ARK2N: variants seen among roughly 807,000 people sequenced by gnomAD.
ARK2N encodes the protein arkadia (RNF111) N-terminal like PKA signaling regulator 2N, also known as protein ARK2N.
the ARK2N span, chr18:46,264,771 T>A: frequency 6.6e-6 from 1 of 150,386 alleles, no homozygotes; most frequent in African/African-American, 2.4e-5. Context: ...AGTTTATTCC[T>A]TTACGCTTCT....
the ARK2N span, among the ~76,000 whole-genome samples, chr18:46,250,633 T>G: frequency 6.6e-6 from 1 of 152,002 alleles, no homozygotes; most frequent in Admixed American, 6.6e-5. Flanking sequence ...TGCTATCAGT[T>G]TCATTTCTAT....
chr18:46,244,231 A>G, the ARK2N span, among the ~76,000 whole-genome samples: 1 of 152,126 alleles, frequency 6.6e-6, no homozygotes, highest in Non-Finnish European at 1.5e-5. Context: ...CACTGCAAAC[A>G]AATGTAGTTG....
chr18:46,217,617 C>G, the ARK2N span: 3 of 152,172 alleles, frequency 2.0e-5, no homozygotes, highest in African/African-American at 7.2e-5. Flanking sequence ...CAAGAGAAAT[C>G]ATATTGGTTA....
At chr18:46,230,015 TC>T in the ARK2N span, among the ~76,000 whole-genome samples, 1 of 152,144 alleles carries the variant, frequency 6.6e-6, no homozygotes, top group Non-Finnish European at 1.5e-5. Context: ...AACCTCCACT[TC>T]CTGGGTTCAA....
At chr18:46,245,573 TAAAAA>T in the ARK2N span, among the ~76,000 whole-genome samples, 2 of 117,420 alleles carry the variant, frequency 1.7e-5, no homozygotes, top group Non-Finnish European at 3.4e-5. Context: ...TCTGTCTCAA[TAAAAA>T]AAAAAAAAAA....
chr18:46,186,235 C>T, the ARK2N span, among the ~76,000 whole-genome samples: 3 of 149,830 alleles, frequency 2.0e-5, no homozygotes, highest in South Asian at 2.1e-4. Context: ...CTTGCTCTGT[C>T]GCCAGGCTGG....
the ARK2N span, chr18:46,240,212 CTAACGGTG>C: frequency 6.2e-7 from 1 of 1,612,682 alleles, no homozygotes; most frequent in Non-Finnish European, 8.5e-7. Context: ...TCCCCCTTCT[CTAACGGTG>C]TAATATGCAT....
At chr18:46,255,126 A>G in the ARK2N span, among the ~76,000 whole-genome samples, 2 of 152,246 alleles carry the variant, frequency 1.3e-5, no homozygotes, top group African/African-American at 4.8e-5. Context: ...GACAAACTTA[A>G]AAGTATAGAG....
the ARK2N span, among the ~76,000 whole-genome samples, chr18:46,241,261 C>T: frequency 0.011 from 1,747 of 152,184 alleles, 60 homozygotes; most frequent in East Asian, 0.12. Context: ...TGGAACTGAA[C>T]CTGAATTTAG....
the ARK2N span, among the ~76,000 whole-genome samples, chr18:46,252,192 C>CAA: frequency 2.2e-5 from 3 of 133,786 alleles, no homozygotes; most frequent in East Asian, 2.1e-4. Context: ...GACTCCATCT[C>CAA]AAAAAAAAAA....
At chr18:46,257,549 C>T in the ARK2N span, among the ~76,000 whole-genome samples, 1 of 152,140 alleles carries the variant, frequency 6.6e-6, no homozygotes, top group Admixed American at 6.5e-5. Flanking sequence ...AATTTTTGGA[C>T]AGTCCAGTTT....
At chr18:46,256,384 G>A in the ARK2N span, among the ~76,000 whole-genome samples, 1 of 150,316 alleles carries the variant, frequency 6.7e-6, no homozygotes, top group African/African-American at 2.5e-5. Flanking sequence ...TTTGTTCAAT[G>A]TTTCTTCATC....
chr18:46,214,853 A>G, the ARK2N span, among the ~76,000 whole-genome samples: 2 of 152,218 alleles, frequency 1.3e-5, no homozygotes, highest in African/African-American at 4.8e-5. Context: ...ATGATGAGGT[A>G]TGTGGGAGCT....
At chr18:46,181,135 C>T in the ARK2N span, among the ~76,000 whole-genome samples, 1 of 152,070 alleles carries the variant, frequency 6.6e-6, no homozygotes, top group Admixed American at 6.6e-5. Context: ...TGGTGCACGC[C>T]TGTAATCCCA....
the ARK2N span, among the ~76,000 whole-genome samples, chr18:46,211,943 C>T: frequency 6.6e-6 from 1 of 151,932 alleles, no homozygotes; most frequent in Non-Finnish European, 1.5e-5. Flanking sequence ...ATTTTTTTCC[C>T]CTTGACCAAA....
chr18:46,176,976 C>G, the ARK2N span, among the ~76,000 whole-genome samples: 2 of 152,178 alleles, frequency 1.3e-5, no homozygotes, highest in Non-Finnish European at 2.9e-5. Flanking sequence ...GTCTTGAACT[C>G]TTGGGCTCAG....
At chr18:46,196,705 A>G in the ARK2N span, among the ~76,000 whole-genome samples, 1 of 152,228 alleles carries the variant, frequency 6.6e-6, no homozygotes, top group African/African-American at 2.4e-5. Flanking sequence ...AGAGTCAGAT[A>G]TTTAGGAGCA....
the ARK2N span, among the ~76,000 whole-genome samples, chr18:46,252,554 A>G: frequency 2.0e-5 from 3 of 152,130 alleles, no homozygotes; most frequent in South Asian, 2.1e-4. Flanking sequence ...GATTACAGGC[A>G]TGAGCCAAAA....
chr18:46,207,864 CT>C, the ARK2N span, among the ~76,000 whole-genome samples: 1 of 152,178 alleles, frequency 6.6e-6, no homozygotes, highest in Non-Finnish European at 1.5e-5. Flanking sequence ...TTTCAACATT[CT>C]TTGGCTCTGT....
Sources: gnomAD v4.1 joint callset for allele counts (sites outside exome capture counted in the v4.1 genomes callset) on GRCh38, gnomAD v4.1.1 for gene constraint, MANE v1.5 for transcripts, NCBI Gene and HGNC (gene_info 2026-07-23, HGNC 2026-07-21) for gene names.